The following DAPK1 variants were observed in gnomAD, a reference collection of about 807,000 sequenced individuals.
DAPK1 encodes death associated protein kinase 1.
A neutral mutation model predicts 144.9 loss-of-function variants in DAPK1; 56 were observed. That is an observed-to-expected ratio of 0.39 (90% CI 0.31 to 0.48). The LOEUF is 0.48. Among genes scored for constraint, DAPK1 ranks in the 20% least tolerant of loss-of-function variants. The probability of loss-of-function intolerance (pLI) is 0.95; values close to 1 mark genes in which losing one functional copy is unlikely to be tolerated. For missense variants in DAPK1, 1,454 were observed against 1,875.4 expected (o/e 0.78, Z 4.15); for synonymous variants, 690 against 749.0 (o/e 0.92, Z 1.29).
rs1018360136 is a variant in DAPK1 at position 87,605,921 on chromosome 9, C to T, written c.284+746C>T. Among the ~76,000 whole-genome samples, 3 of 152,340 alleles carry T rather than the reference C, an allele frequency of 2.0e-5. No individual in the cohort carries two copies. In the South Asian group the frequency reaches 6.2e-4, roughly 32 times the overall value. ...GGACAGGAAGCCAGCTTGGGGCGCA[C>T]ATCTGCTCTGTCTCCGGGCTTTTGG... On this transcript the variant is annotated intron_variant, in intron 3 of 25. Coordinates refer to ENST00000408954, the MANE Select transcript of DAPK1 (RefSeq NM_004938.4).
intron 3 of DAPK1, among the ~76,000 whole-genome samples, chr9:87,636,084 A>G (rs1829885352): frequency 6.6e-6 from 1 of 151,872 alleles, no homozygotes; most frequent in Non-Finnish European, 1.5e-5. Flanking sequence ...GTGGGCAGAC[A>G]GTGTGGGGGC....
chr9:87,690,166 C>T (rs564639626), intron 21 of DAPK1, among the ~76,000 whole-genome samples: 3 of 152,134 alleles, frequency 2.0e-5, no homozygotes, highest in Non-Finnish European at 2.9e-5. Context: ...TGTTTGTGTC[C>T]TCTCAGTGTC....
Position 87,708,156 on chromosome 9 carries a change from GTCA to G in DAPK1, c.*793_*795del. On this transcript the variant is annotated 3_prime_UTR_variant, in exon 26 of 26. Coordinates refer to ENST00000408954, the MANE Select transcript of DAPK1 (RefSeq NM_004938.4). ...TTTTTCCGTTTGCTTTTGTTCCAAT[GTCA>G]ATGTGAACGTCCACATGAAACCTAC... 2 of 251,058 alleles carry G rather than the reference GTCA, an allele frequency of 8.0e-6. No homozygotes were observed. Among genetic ancestry groups the G allele is most frequent in the South Asian group, 4.8e-5 (1 of 20,884 alleles). The allele number at this position is 251,058 out of a possible 1,614,324, so 15.6% of individuals were successfully genotyped here. A position where few individuals can be genotyped will look rare whatever the true frequency, so the allele number is the denominator to read the frequency against.
intron 2 of DAPK1, among the ~76,000 whole-genome samples, chr9:87,582,842 C>T (rs531845524): frequency 2.6e-4 from 40 of 152,078 alleles, no homozygotes; most frequent in South Asian, 2.1e-4. Context: ...CATGAGCCAC[C>T]GCGCCCAGCC....
chr9:87,594,049 A>T (rs1235921307), intron 2 of DAPK1, among the ~76,000 whole-genome samples: 1 of 152,142 alleles, frequency 6.6e-6, no homozygotes, highest in African/African-American at 2.4e-5. Context: ...CATAACAGTA[A>T]TCTGTAGCTA....
intron 2 of DAPK1, among the ~76,000 whole-genome samples, chr9:87,561,726 G>C (rs1826933880): frequency 6.6e-6 from 1 of 152,182 alleles, no homozygotes; most frequent in Non-Finnish European, 1.5e-5. Context: ...AAGCCCCTTA[G>C]ACAGCAGTTT....
At chr9:87,692,052 AT>A (rs1238341650) in intron 21 of DAPK1, among the ~76,000 whole-genome samples, 1 of 152,132 alleles carries the variant, frequency 6.6e-6, no homozygotes, top group African/African-American at 2.4e-5. Flanking sequence ...TTCTGTCTGT[AT>A]AATCTGCCTA....
chr9:87,666,125 A>ATAATTTCCAACACTGCTTGCTTCT (rs1364701400), intron 18 of DAPK1, among the ~76,000 whole-genome samples: 5 of 152,314 alleles, frequency 3.3e-5, no homozygotes, highest in African/African-American at 1.2e-4. Context: ...TCTTCTGTGA[A>ATAATTTCCAACACTGCTTGCTTCT]TAATTTCCAA....
intron 18 of DAPK1, among the ~76,000 whole-genome samples, chr9:87,663,763 C>A (rs1031173858): frequency 6.6e-6 from 1 of 152,096 alleles, no homozygotes; most frequent in African/African-American, 2.4e-5. Flanking sequence ...CAGAGGCCCT[C>A]GGCCCCCCCA....
chr9:87,547,744 C>G (rs1826312958), intron 2 of DAPK1, among the ~76,000 whole-genome samples: 2 of 151,978 alleles, frequency 1.3e-5, no homozygotes, highest in Non-Finnish European at 2.9e-5. Flanking sequence ...GAGGCCTCAT[C>G]TGGACTCTGA....
chr9:87,673,255 G>A lies in DAPK1; in HGVS notation c.2001+4581G>A, dbSNP rs111579579. On this transcript the variant is annotated intron_variant, in intron 19 of 25. Coordinates refer to ENST00000408954, the MANE Select transcript of DAPK1 (RefSeq NM_004938.4). ...GAACCACTGCAGGTTGATCCAAAGC[G>A]CTGTCCTGGGGAGAGGTCTGTATCT... Among the ~76,000 whole-genome samples the A allele has an allele frequency of 9.5e-3, 1,448 of 152,292 alleles. 20 individuals are homozygous for A. Among genetic ancestry groups the A allele is most frequent in the African/African-American group, 0.033 (1,379 of 41,564 alleles).
chr9:87,623,098 C>G (rs548785782), intron 3 of DAPK1, among the ~76,000 whole-genome samples: 1 of 152,068 alleles, frequency 6.6e-6, no homozygotes, highest in African/African-American at 2.4e-5. Context: ...CTTGAAAGCA[C>G]AATTGTTTAT....
intron 18 of DAPK1, among the ~76,000 whole-genome samples, chr9:87,664,239 G>T (rs987241539): frequency 1.3e-5 from 2 of 152,098 alleles, no homozygotes; most frequent in Non-Finnish European, 2.9e-5. Flanking sequence ...GTCCTGGGAA[G>T]CCCCTGCCGG....
At chr9:87,594,833 A>C (rs1265698725) in intron 2 of DAPK1, among the ~76,000 whole-genome samples, 2 of 152,244 alleles carry the variant, frequency 1.3e-5, no homozygotes, top group African/African-American at 4.8e-5. Flanking sequence ...AGTAGCCAGA[A>C]GGAGGCAGAA....
chr9:87,674,990 A>T (rs1206112749), intron 19 of DAPK1, among the ~76,000 whole-genome samples: 1 of 152,234 alleles, frequency 6.6e-6, no homozygotes, highest in Non-Finnish European at 1.5e-5. Context: ...TAGGCACTGC[A>T]GAGACCACAG....
At chr9:87,580,308 G>A (rs1216340738) in intron 2 of DAPK1, among the ~76,000 whole-genome samples, 1 of 152,132 alleles carries the variant, frequency 6.6e-6, no homozygotes, top group Non-Finnish European at 1.5e-5. Flanking sequence ...TTTTGGGGAT[G>A]TGGCTGGATA....
intron 2 of DAPK1, among the ~76,000 whole-genome samples, chr9:87,561,520 C>CA (rs1826924615): frequency 8.3e-6 from 1 of 121,020 alleles, no homozygotes; most frequent in Non-Finnish European, 1.7e-5. Flanking sequence ...AGCGAGACTC[C>CA]GTCTCAAAAG....
intron 3 of DAPK1, among the ~76,000 whole-genome samples, chr9:87,626,575 G>C (rs989081965): frequency 2.6e-5 from 4 of 152,182 alleles, no homozygotes; most frequent in Non-Finnish European, 5.9e-5. Context: ...TCCAAACTGG[G>C]CTAGATATCC....
At chr9:87,529,915 C>G (rs1587691505) in intron 2 of DAPK1, among the ~76,000 whole-genome samples, 1 of 152,278 alleles carries the variant, frequency 6.6e-6, no homozygotes, top group East Asian at 1.9e-4. Flanking sequence ...CATAAGAATG[C>G]TTGGTGCAGA....
Sources: allele counts gnomAD v4.1 joint callset (sites outside exome capture counted in the v4.1 genomes callset), GRCh38; gene constraint gnomAD v4.1.1; transcripts MANE v1.5; gene names NCBI Gene and HGNC (gene_info 2026-07-23, HGNC 2026-07-21).